The following NUBPL variants were observed in gnomAD, a reference collection of about 807,000 sequenced individuals.
The protein encoded by NUBPL is iron-sulfur cluster transfer protein NUBPL.
A neutral mutation model predicts 45.7 loss-of-function variants in NUBPL; 31 were observed. The ratio of observed to expected loss-of-function variants is 0.68; its 90% CI spans 0.51 to 0.92. NUBPL has a LOEUF of 0.92. NUBPL is among the 40% of genes least tolerant of loss of function. The pLI is 0.00. For missense variants in NUBPL, 401 were observed against 398.7 expected (o/e 1.01, Z -0.05); for synonymous variants, 144 against 140.9 (o/e 1.02, Z -0.15).
intron 2 of NUBPL, among the ~76,000 whole-genome samples, chr14:31,563,938 C>A (rs2033366836): frequency 6.6e-6 from 1 of 152,148 alleles, no homozygotes; most frequent in South Asian, 2.1e-4. Flanking sequence ...ATGAAGTAGG[C>A]ATTGTTTTCA....
At chr14:31,782,301 C>T (rs552562829) in intron 6 of NUBPL, among the ~76,000 whole-genome samples, 2 of 152,098 alleles carry the variant, frequency 1.3e-5, no homozygotes, top group Admixed American at 6.5e-5. Context: ...AGGCTGAGAC[C>T]GGAGAATTGC....
intron 6 of NUBPL, among the ~76,000 whole-genome samples, chr14:31,749,875 A>C (rs1247458456): frequency 6.6e-6 from 1 of 152,088 alleles, no homozygotes; most frequent in Admixed American, 6.6e-5. Context: ...TAAGTCCTGT[A>C]GGTGTTCTTC....
At chr14:31,721,711 T>G (rs946717757) in intron 6 of NUBPL, among the ~76,000 whole-genome samples, 1 of 152,018 alleles carries the variant, frequency 6.6e-6, no homozygotes, top group African/African-American at 2.4e-5. Context: ...TACAGATTAT[T>G]TTGTCACACA....
intron 6 of NUBPL, among the ~76,000 whole-genome samples, chr14:31,727,363 T>G (rs1426725322): frequency 6.6e-6 from 1 of 152,206 alleles, no homozygotes; most frequent in East Asian, 1.9e-4. Flanking sequence ...CCAAATTACC[T>G]TGACAACCAT....
intron 7 of NUBPL, among the ~76,000 whole-genome samples, chr14:31,810,216 G>A (rs1003378708): frequency 1.1e-4 from 17 of 152,114 alleles, no homozygotes; most frequent in Admixed American, 9.8e-4. Flanking sequence ...TGACAGTGGG[G>A]TGTTAAAGTC....
chr14:31,726,047 A>G (rs367988273), intron 6 of NUBPL, among the ~76,000 whole-genome samples: 11 of 152,282 alleles, frequency 7.2e-5, no homozygotes, highest in African/African-American at 2.2e-4. Flanking sequence ...TATTTTATCT[A>G]GAAGTGTCAA....
chr14:31,807,883 C>A (rs1217643864), intron 7 of NUBPL, among the ~76,000 whole-genome samples: 1 of 152,128 alleles, frequency 6.6e-6, no homozygotes, highest in East Asian at 1.9e-4. Flanking sequence ...ATAGGGAATC[C>A]TTTCCCCATT....
intron 4 of NUBPL, among the ~76,000 whole-genome samples, chr14:31,662,477 C>A (rs1389288625): frequency 6.6e-6 from 1 of 152,040 alleles, no homozygotes; most frequent in African/African-American, 2.4e-5. Context: ...CTCTGCCCCC[C>A]ACCCACCGAC....
At chr14:31,749,911 T>A (rs1440145366) in intron 6 of NUBPL, among the ~76,000 whole-genome samples, 1 of 152,146 alleles carries the variant, frequency 6.6e-6, no homozygotes, top group Non-Finnish European at 1.5e-5. Flanking sequence ...CCTTTTTTGT[T>A]CCTCCTACTG....
At chr14:31,569,996 A>G (rs1416877904) in intron 3 of NUBPL, among the ~76,000 whole-genome samples, 1 of 152,232 alleles carries the variant, frequency 6.6e-6, no homozygotes, top group Non-Finnish European at 1.5e-5. Flanking sequence ...CTTAAAGACC[A>G]TCAGAAACCA....
At chr14:31,728,818 T>G (rs2037982898) in intron 6 of NUBPL, among the ~76,000 whole-genome samples, 1 of 152,232 alleles carries the variant, frequency 6.6e-6, no homozygotes, top group Non-Finnish European at 1.5e-5. Context: ...TAAAAACTCT[T>G]GAAAGCCAAA....
At chr14:31,671,224 T>G (rs1305144714) in intron 4 of NUBPL, among the ~76,000 whole-genome samples, 1 of 152,184 alleles carries the variant, frequency 6.6e-6, no homozygotes, top group Non-Finnish European at 1.5e-5. Context: ...TTTTAATGGA[T>G]GAATAGTATT....
In NUBPL at chr14:31,574,581, TC is replaced by T. The variant is rs1463993327; in HGVS notation, c.291+9534del. Among the ~76,000 whole-genome samples the T allele has an allele frequency of 2.8e-4, 38 of 133,572 alleles. No homozygotes were observed. In the South Asian group the frequency reaches 8.2e-3, roughly 29 times the overall value. 87.6% of individuals were successfully genotyped at this position (133,572 alleles called of 152,430 possible). A position where few individuals can be genotyped will look rare whatever the true frequency, so the allele number is the denominator to read the frequency against. ...CGCCTGGCCTACTCGATTCTTTCCT[TC>T]TTTTTTTTTTTTTTTTTTTTTTTGG... On this transcript the variant is annotated intron_variant, in intron 3 of 10. Transcript: ENST00000281081.
chr14:31,768,512 T>G (rs2115953), intron 6 of NUBPL, among the ~76,000 whole-genome samples: 151,969 of 152,290 alleles, frequency 1, 75,826 homozygotes, highest in Middle Eastern at 1. Context: ...GAAGAAAACC[T>G]CTGGTGCTTA....
chr14:31,842,284 T>C (rs1377452511), intron 8 of NUBPL, among the ~76,000 whole-genome samples: 1 of 151,848 alleles, frequency 6.6e-6, no homozygotes, highest in African/African-American at 2.4e-5. Context: ...AGCAAAGTGG[T>C]ATATGTGTGG....
intron 4 of NUBPL, among the ~76,000 whole-genome samples, chr14:31,661,681 T>C (rs967396824): frequency 2.6e-5 from 4 of 152,068 alleles, no homozygotes; most frequent in Non-Finnish European, 5.9e-5. Flanking sequence ...GCTGGGACTA[T>C]AGGCGCTCAC....
At chr14:31,669,616 G>T (rs934286749) in intron 4 of NUBPL, among the ~76,000 whole-genome samples, 12 of 151,566 alleles carry the variant, frequency 7.9e-5, no homozygotes, top group African/African-American at 2.9e-4. Flanking sequence ...TTCCTCCTCC[G>T]ATTTTCCCGT....
intron 8 of NUBPL, among the ~76,000 whole-genome samples, chr14:31,827,614 A>G (rs1438576129): frequency 1.3e-5 from 2 of 152,182 alleles, no homozygotes; most frequent in African/African-American, 4.8e-5. Context: ...GCCTTGCTTA[A>G]TTCAAAGACA....
Position 31,561,476 on chromosome 14 carries a change from G to A in NUBPL, c.37G>A (p.Val13Met). ...IWQRLLLFGG[V>M]SLRAGGGATA... ...GCAGCGTCTGCTGCTTTTTGGTGGG[G>A]TGTCGCTCCGGGCTGGTGGCGGGGC... The change falls in exon 1 of 11, where the codon GTG becomes ATG. Residue 13 changes from valine to methionine, a missense_variant. By Grantham distance (21) the Val-to-Met change is conservative. Transcript: ENST00000281081. The A allele has an allele frequency of 1.4e-6, 2 of 1,414,742 alleles. No individual in the cohort carries two copies. Among genetic ancestry groups the A allele is most frequent in the Non-Finnish European group, 1.9e-6 (2 of 1,075,124 alleles). 87.6% of individuals were successfully genotyped at this position (1,414,742 alleles called of 1,614,324 possible). A position where few individuals can be genotyped will look rare whatever the true frequency, so the allele number is the denominator to read the frequency against.
Sources: allele counts gnomAD v4.1 joint callset (sites outside exome capture counted in the v4.1 genomes callset), GRCh38; gene constraint gnomAD v4.1.1; transcripts MANE v1.5; gene names NCBI Gene and HGNC (gene_info 2026-07-23, HGNC 2026-07-21).